GRM7: variants seen among roughly 807,000 people sequenced by gnomAD.
GRM7 encodes glutamate metabotropic receptor 7, also known as metabotropic glutamate receptor 7.
Under a neutral mutation model 84.5 loss-of-function variants are expected in GRM7, and 35 were observed. The observed-to-expected ratio is 0.41, with a 90% CI of 0.32 to 0.55. GRM7 has a LOEUF of 0.55. Among genes scored for constraint, GRM7 ranks in the 20% least tolerant of loss-of-function variants. GRM7 has a pLI of 0.19. For synonymous variants in GRM7, 487 were observed against 455.1 expected (o/e 1.07, Z -0.89); for missense variants, 1,003 against 1,194.6 (o/e 0.84, Z 2.36).
At chr3:7,716,590 A>G (rs1012037087) in intron 9 of GRM7, among the ~76,000 whole-genome samples, 2 of 152,234 alleles carry the variant, frequency 1.3e-5, no homozygotes, top group African/African-American at 4.8e-5. Flanking sequence ...ATACAGTGTC[A>G]CAGAGGATGC....
At chr3:7,333,785 G>GA (rs769510038) in intron 4 of GRM7, among the ~76,000 whole-genome samples, 2 of 151,764 alleles carry the variant, frequency 1.3e-5, no homozygotes. Context: ...AAAACTTCTG[G>GA]AAAATAAAGA....
rs145288707 is a variant in GRM7, at chr3:7,110,328, C to T, written c.520-36124C>T. On this transcript the variant is annotated intron_variant, in intron 1 of 9. Transcript: ENST00000357716. ...ATATAATACTGATTCAGGCCAGGCA[C>T]GGTGGCTCATGCCAGTAATCCCAGC... Among the ~76,000 whole-genome samples, 669 of 152,144 alleles carry T rather than the reference C, an allele frequency of 4.4e-3. 4 individuals carry two copies. Among genetic ancestry groups the T allele is most frequent in the African/African-American group, 0.015 (638 of 41,522 alleles).
rs748048331 is a variant in GRM7, at chr3:6,861,381, G to A, written c.-8G>A. On this transcript the variant is annotated 5_prime_UTR_variant, in exon 1 of 10. Transcript: ENST00000357716. The surrounding 1 kb of genome is among the most constrained non-coding windows in gnomAD (Gnocchi z 6.4). ...CGCCGCCGCCGCCACCGCAGCAGCC[G>A]GAGCAGCATGGTCCAGCTGAGGAAG... The A allele has an allele frequency of 6.6e-7, 1 of 1,508,516 alleles. No individual in the cohort carries two copies. The highest frequency in any genetic ancestry group is 2.3e-4 in the Middle Eastern group (1 of 4,276). 93.4% of individuals were successfully genotyped at this position (1,508,516 alleles called of 1,614,324 possible). A position where few individuals can be genotyped will look rare whatever the true frequency, so the allele number is the denominator to read the frequency against.
At chr3:6,968,553 T>G (rs1447582233) in intron 1 of GRM7, among the ~76,000 whole-genome samples, 1 of 152,256 alleles carries the variant, frequency 6.6e-6, no homozygotes, top group East Asian at 1.9e-4. Context: ...TTAAAATGCT[T>G]ATTGCAACAT....
At chr3:7,099,343 CATGTATAT>C (rs1324284722) in intron 1 of GRM7, among the ~76,000 whole-genome samples, 1 of 140,248 alleles carries the variant, frequency 7.1e-6, no homozygotes, top group Non-Finnish European at 1.5e-5. Context: ...ATGTATTATA[CATGTATAT>C]ATGTACACAT....
At chr3:7,629,285 G>A (rs1697761449) in intron 8 of GRM7, among the ~76,000 whole-genome samples, 1 of 152,188 alleles carries the variant, frequency 6.6e-6, no homozygotes, top group Non-Finnish European at 1.5e-5. Context: ...AGCTCAGTCT[G>A]ACATAGAAAA....
chr3:7,494,470 C>G (rs574808088), intron 7 of GRM7, among the ~76,000 whole-genome samples: 1 of 152,230 alleles, frequency 6.6e-6, no homozygotes, highest in African/African-American at 2.4e-5. Flanking sequence ...GAGATTAGTT[C>G]AGCTTCTTTA....
intron 4 of GRM7, among the ~76,000 whole-genome samples, chr3:7,389,532 T>A (rs913338137): frequency 2.0e-5 from 3 of 152,144 alleles, no homozygotes; most frequent in Non-Finnish European, 4.4e-5. Flanking sequence ...GTTTTATAAG[T>A]CCAGGTGCTC....
intron 9 of GRM7, among the ~76,000 whole-genome samples, chr3:7,730,077 G>A (rs1214156747): frequency 1.3e-5 from 2 of 149,192 alleles, no homozygotes; most frequent in African/African-American, 5.0e-5. Context: ...GTTTCACCAT[G>A]TTGGACAGGC....
intron 2 of GRM7, among the ~76,000 whole-genome samples, chr3:7,246,306 A>G (rs2055736): frequency 0.9 from 136,842 of 152,162 alleles, 61,797 homozygotes; most frequent in East Asian, 0.98. Context: ...TACTATAAGT[A>G]CCCGGTGGGG....
chr3:7,081,539 G>A (rs927620848), intron 1 of GRM7, among the ~76,000 whole-genome samples: 1 of 151,992 alleles, frequency 6.6e-6, no homozygotes, highest in African/African-American at 2.4e-5. Context: ...AGAGAGACCA[G>A]TTAATAACCC....
At chr3:6,968,440 G>A (rs999068698) in intron 1 of GRM7, among the ~76,000 whole-genome samples, 20 of 152,066 alleles carry the variant, frequency 1.3e-4, no homozygotes, top group Admixed American at 6.6e-5. Context: ...TATTTTTGGA[G>A]GGACATAATT....
At chr3:6,920,859 C>G (rs1038456664) in intron 1 of GRM7, among the ~76,000 whole-genome samples, 1 of 152,076 alleles carries the variant, frequency 6.6e-6, no homozygotes, top group African/African-American at 2.4e-5. Flanking sequence ...CTTCACTGGA[C>G]CCAGACATGC....
intron 7 of GRM7, among the ~76,000 whole-genome samples, chr3:7,525,554 G>A (rs1700761479): frequency 6.6e-6 from 1 of 152,172 alleles, no homozygotes; most frequent in Admixed American, 6.5e-5. Context: ...GTTCATGTGT[G>A]TGTATGTATG....
intron 8 of GRM7, among the ~76,000 whole-genome samples, chr3:7,628,334 C>T (rs536796312): frequency 6.6e-6 from 1 of 152,274 alleles, no homozygotes; most frequent in South Asian, 2.1e-4. Context: ...TATTTCACAG[C>T]TTGCCCAGGT....
Position 7,578,440 on chromosome 3 carries a change from G to C in GRM7, c.1534G>C (p.Gly512Arg), listed in dbSNP as rs770368513. The C allele has an allele frequency of 6.2e-7, 1 of 1,610,280 alleles. No individual in the cohort carries two copies. Among genetic ancestry groups the C allele is most frequent in the Non-Finnish European group, 8.5e-7 (1 of 1,176,904 alleles). The part of the protein sequence containing the change: ...LQLNIEDMQW[G>R]KGVREIPASV... Reference sequence around the variant, plus strand: ...GTTACAGATAGAAGACATGCAGTGGGGTAAAGGAGTCCGAGAGATACCCGC... The same window carrying C: ...GTTACAGATAGAAGACATGCAGTGGCGTAAAGGAGTCCGAGAGATACCCGC... Residue 512 changes from glycine (G) to arginine (R), a missense_variant, in exon 8 of 10, where the codon GGT becomes CGT. By Grantham distance (125) the Gly-to-Arg change is moderately radical. Around this residue, in one of 2 missense-constraint regions of GRM7, gnomAD observed 910 missense variants for 1,126.0 expected, o/e 0.81. Transcript: ENST00000357716.
intron 4 of GRM7, among the ~76,000 whole-genome samples, chr3:7,382,831 C>G (rs572216297): frequency 2.6e-5 from 4 of 152,180 alleles, no homozygotes; most frequent in Non-Finnish European, 5.9e-5. Context: ...ATTAATGAGT[C>G]TGAATGCCAA....
chr3:7,269,977 C>T (rs1698793235), intron 2 of GRM7, among the ~76,000 whole-genome samples: 1 of 152,198 alleles, frequency 6.6e-6, no homozygotes, highest in Admixed American at 6.5e-5. Flanking sequence ...AGATTAATAT[C>T]TCTCAAACTT....
At chr3:6,968,372 G>C (rs1693611992) in intron 1 of GRM7, among the ~76,000 whole-genome samples, 1 of 152,084 alleles carries the variant, frequency 6.6e-6, no homozygotes, top group Non-Finnish European at 1.5e-5. Flanking sequence ...ACCTCTGTAA[G>C]GACCGTATTC....
Sources: allele counts gnomAD v4.1 joint callset (sites outside exome capture counted in the v4.1 genomes callset), GRCh38; gene constraint gnomAD v4.1.1; regional missense constraint gnomAD v4.1.1; non-coding constraint Gnocchi (gnomAD v3.1); transcripts MANE v1.5; gene names NCBI Gene and HGNC (gene_info 2026-07-23, HGNC 2026-07-21).